The following PRR16 variants were observed in gnomAD, a reference collection of about 807,000 sequenced individuals.
PRR16 encodes protein Largen.
A neutral mutation model predicts 18.2 loss-of-function variants in PRR16; 6 were observed. The observed-to-expected ratio is 0.33, with a 90% CI of 0.18 to 0.65. PRR16 has a LOEUF of 0.65. PRR16 is among the 30% of genes least tolerant of loss of function. The pLI, the probability that PRR16 is intolerant of heterozygous loss-of-function variation, is 0.74. For synonymous variants in PRR16, 151 were observed against 147.8 expected (o/e 1.02, Z -0.16); for missense variants, 412 against 376.6 (o/e 1.09, Z -0.78).
At chr5:120,493,750 C>G (rs1311069606) in intron 1 of PRR16, among the ~76,000 whole-genome samples, 1 of 152,152 alleles carries the variant, frequency 6.6e-6, no homozygotes, top group African/African-American at 2.4e-5. Context: ...TATAATTTAT[C>G]TTTTCAAGAT....
At chr5:120,517,472 A>G (rs1751034868) in intron 1 of PRR16, among the ~76,000 whole-genome samples, 1 of 152,106 alleles carries the variant, frequency 6.6e-6, no homozygotes, top group Non-Finnish European at 1.5e-5. Context: ...ACCTTTTCAC[A>G]TATAGAAATG....
rs750092926 is a variant in PRR16 at position 120,686,147 on chromosome 5, G to T, written c.353G>T (p.Arg118Ile). ...CCGTCTGCTATCCTCACGGTCCTGA[G>T]AAAGCCAAACCCTCCACCACCTCCT... ...AHPSAILTVL[R>I]KPNPPPPPPR... The change falls in exon 2 of 2, where the codon AGA (arginine) becomes ATA (isoleucine). Residue 118 changes from arginine (R) to isoleucine (I), a missense_variant. Coordinates refer to ENST00000407149, the MANE Select transcript of PRR16 (RefSeq NM_001300783.2). The T allele has an allele frequency of 6.2e-7, 1 of 1,614,162 alleles. No individual in the cohort carries two copies. The highest frequency in any genetic ancestry group is 1.7e-5 in the Admixed American group (1 of 60,020).
chr5:120,715,675 TG>T, the PRR16 span, among the ~76,000 whole-genome samples: 2 of 152,154 alleles, frequency 1.3e-5, no homozygotes, highest in African/African-American at 2.4e-5. Flanking sequence ...GTAAAAGCAG[TG>T]GTGGGATGTA....
At chr5:120,719,734 A>C in the PRR16 span, among the ~76,000 whole-genome samples, 1 of 152,214 alleles carries the variant, frequency 6.6e-6, no homozygotes, top group South Asian at 2.1e-4. Context: ...GAAATGTTCA[A>C]ATAAAATAGA....
At chr5:120,762,254 A>G in the PRR16 span, among the ~76,000 whole-genome samples, 66 of 152,246 alleles carry the variant, frequency 4.3e-4, 1 homozygote, top group African/African-American at 9.1e-4. Context: ...GCAAATTTTC[A>G]TGGTAGTTCT....
Position 120,646,051 on chromosome 5 carries a change from TATA to T in PRR16, c.160-39902_160-39900del, listed in dbSNP as rs1561591310. Among the ~76,000 whole-genome samples, 78 of 98,050 alleles carry T rather than the reference TATA, an allele frequency of 8.0e-4. 1 individual carries two copies. The highest frequency in any genetic ancestry group is 4.4e-3 in the Middle Eastern group (1 of 228). The allele number at this position is 98,050 out of a possible 152,430, so 64.3% of individuals were successfully genotyped here. A position where few individuals can be genotyped will look rare whatever the true frequency, so the allele number is the denominator to read the frequency against. ...ATTACAAAAAAAAATACATATTTTA[TATA>T]TATATATATATATATATATATCATA... On this transcript the variant is annotated intron_variant, in intron 1 of 1. Transcript: ENST00000407149.
At chr5:120,632,705 A>T (rs532693336) in intron 1 of PRR16, among the ~76,000 whole-genome samples, 14 of 152,186 alleles carry the variant, frequency 9.2e-5, no homozygotes, top group Non-Finnish European at 1.5e-5. Flanking sequence ...AAAAAGATGA[A>T]CAAAGCCTCC....
Position 120,464,444 on chromosome 5 carries a change from C to A in PRR16, c.-43C>A, listed in dbSNP as rs2112789997. On this transcript the variant is annotated 5_prime_UTR_variant, in exon 1 of 2. Coordinates refer to ENST00000407149, the MANE Select transcript of PRR16 (RefSeq NM_001300783.2). ...AGGGACGGGGGCACGCAGCAGCCTC[C>A]GCTCGCCCGCCTGTCCTGACCTGCC... 1 of 1,524,904 alleles carries A rather than the reference C, an allele frequency of 6.6e-7. No individual in the cohort carries two copies. Among genetic ancestry groups the A allele is most frequent in the South Asian group, 1.2e-5 (1 of 82,826 alleles). 94.5% of individuals were successfully genotyped at this position (1,524,904 alleles called of 1,614,324 possible).
intron 1 of PRR16, among the ~76,000 whole-genome samples, chr5:120,654,228 A>C (rs1755889802): frequency 6.6e-6 from 1 of 152,034 alleles, no homozygotes; most frequent in Non-Finnish European, 1.5e-5. Context: ...AAGTTAGAAG[A>C]CGCAAATTGA....
intron 1 of PRR16, among the ~76,000 whole-genome samples, chr5:120,473,874 G>A (rs1012958327): frequency 1.2e-4 from 18 of 152,136 alleles, no homozygotes; most frequent in African/African-American, 4.3e-4. Context: ...GTGATGAGGA[G>A]GAAGTGCAAT....
chr5:120,653,745 C>A (rs766083662), intron 1 of PRR16, among the ~76,000 whole-genome samples: 1 of 151,952 alleles, frequency 6.6e-6, no homozygotes, highest in Admixed American at 6.6e-5. Flanking sequence ...AGAAGTGATG[C>A]ATTTCTCCAG....
At chr5:120,498,586 G>A (rs930269978) in intron 1 of PRR16, among the ~76,000 whole-genome samples, 3 of 151,602 alleles carry the variant, frequency 2.0e-5, no homozygotes, top group African/African-American at 7.2e-5. Context: ...GAAAGGAATT[G>A]CATTTATCCG....
At chr5:120,652,319 A>G (rs2150132427) in intron 1 of PRR16, among the ~76,000 whole-genome samples, 1 of 152,182 alleles carries the variant, frequency 6.6e-6, no homozygotes, top group South Asian at 2.1e-4. Flanking sequence ...TCTGTATAGT[A>G]TAGCAGTCAT....
intron 1 of PRR16, among the ~76,000 whole-genome samples, chr5:120,530,289 T>TATATATATGTA (rs1751509936): frequency 8.3e-6 from 1 of 121,044 alleles, no homozygotes; most frequent in Non-Finnish European, 1.6e-5. Flanking sequence ...ATATATTTAT[T>TATATATATGTA]TATTTATTTA....
chr5:120,550,372 T>C (rs1325660613), intron 1 of PRR16, among the ~76,000 whole-genome samples: 2 of 152,098 alleles, frequency 1.3e-5, no homozygotes. Context: ...TGACAAAGTG[T>C]GGGTTATGTT....
the PRR16 span, among the ~76,000 whole-genome samples, chr5:120,768,589 AC>A: frequency 6.6e-6 from 1 of 151,688 alleles, no homozygotes; most frequent in Non-Finnish European, 1.5e-5. Flanking sequence ...AATACACTTT[AC>A]TCATCGTATT....
chr5:120,577,264 G>T (rs1753110687), intron 1 of PRR16, among the ~76,000 whole-genome samples: 1 of 151,960 alleles, frequency 6.6e-6, no homozygotes. Flanking sequence ...ACATGTCCTT[G>T]TTTAAAGCCT....
At chr5:120,786,358 A>T in the PRR16 span, among the ~76,000 whole-genome samples, 2 of 151,846 alleles carry the variant, frequency 1.3e-5, no homozygotes, top group Non-Finnish European at 1.5e-5. Flanking sequence ...ATAAGAATAA[A>T]GCAGAATGGA....
At chr5:120,791,446 G>A in the PRR16 span, among the ~76,000 whole-genome samples, 1 of 151,742 alleles carries the variant, frequency 6.6e-6, no homozygotes, top group East Asian at 1.9e-4. Flanking sequence ...GAAAGCTCAG[G>A]TATTGTATCA....
Sources: gnomAD v4.1 joint callset for allele counts (sites outside exome capture counted in the v4.1 genomes callset) on GRCh38, gnomAD v4.1.1 for gene constraint, MANE v1.5 for transcripts, NCBI Gene and HGNC (gene_info 2026-07-23, HGNC 2026-07-21) for gene names.